The following DDX47 variants were observed in gnomAD, a reference collection of about 807,000 sequenced individuals.
DDX47 encodes the protein probable ATP-dependent RNA helicase DDX47.
A neutral mutation model predicts 58.8 loss-of-function variants in DDX47; 60 were observed. The ratio of observed to expected loss-of-function variants is 1.02; its 90% CI spans 0.83 to 1.26. The LOEUF is 1.26. DDX47 is among the 50% of genes most tolerant of loss of function. The pLI, the probability that DDX47 is intolerant of heterozygous loss-of-function variation, is 0.00. For synonymous variants in DDX47, 197 were observed against 204.6 expected (o/e 0.96, Z 0.32); for missense variants, 530 against 573.2 (o/e 0.92, Z 0.77).
intron 2 of DDX47, among the ~76,000 whole-genome samples, chr12:12,817,884 A>G (rs993548582): frequency 3.3e-5 from 5 of 152,198 alleles, no homozygotes; most frequent in Admixed American, 2.0e-4. Flanking sequence ...TTATTGCTTC[A>G]TGAACTAAGC....
Position 12,827,264 on chromosome 12 carries a change from C to A in DDX47, c.1125C>A (p.Phe375Leu), listed in dbSNP as rs1863065475. The A allele has an allele frequency of 1.2e-6, 2 of 1,614,074 alleles. No individual in the cohort carries two copies. Among genetic ancestry groups the A allele is most frequent in the South Asian group, 1.1e-5 (1 of 91,034 alleles). Residue 375 changes from phenylalanine (F) to leucine (L), a missense_variant, in exon 11 of 12, where the codon TTC becomes TTA. Phe to Leu is a conservative substitution (Grantham distance 22). Coordinates refer to ENST00000358007, the MANE Select transcript of DDX47 (RefSeq NM_016355.4). ...TFVTQYDVELFQRIEHLIGKK... is the reference protein window; with the variant it reads ...TFVTQYDVELLQRIEHLIGKK... ...TCCTCAGGTATGATGTGGAACTCTT[C>A]CAGCGCATAGAACACTTAATTGGGA...
chr12:12,822,210 A>G (rs1862985398), intron 5 of DDX47, 127 bp downstream of exon 5: 1 of 639,456 alleles, frequency 1.6e-6, no homozygotes, highest in Non-Finnish European at 2.8e-6. Flanking sequence ...ATATTCTTCA[A>G]ATTGCAGTTT....
chr12:12,822,526 A>C, intron 5 of DDX47, 135 bp from the exon 6 acceptor site: 1 of 674,266 alleles, frequency 1.5e-6, no homozygotes, highest in Non-Finnish European at 2.6e-6. Flanking sequence ...AGCTGAATCA[A>C]ATTGAATTTT....
At chr12:12,816,208 G>T (rs1194418189) in intron 2 of DDX47, among the ~76,000 whole-genome samples, 4 of 152,182 alleles carry the variant, frequency 2.6e-5, no homozygotes, top group Admixed American at 6.5e-5. Context: ...TTGACCTTGT[G>T]GGAGGGGAAT....
At chr12:12,825,493 C>T (rs1863039025) in intron 9 of DDX47, among the ~76,000 whole-genome samples, 1 of 152,086 alleles carries the variant, frequency 6.6e-6, no homozygotes, top group South Asian at 2.1e-4. Context: ...CAGAATCACC[C>T]CTGGATGAGA....
chr12:12,819,306 G>A (rs1862937582), intron 2 of DDX47, among the ~76,000 whole-genome samples: 1 of 148,672 alleles, frequency 6.7e-6, no homozygotes, highest in Non-Finnish European at 1.5e-5. Flanking sequence ...CTTAAACCCT[G>A]TCTGCATCAG....
intron 11 of DDX47, among the ~76,000 whole-genome samples, chr12:12,827,916 GC>G (rs1190697798): frequency 1.1e-5 from 1 of 87,234 alleles, no homozygotes; most frequent in East Asian, 3.5e-4. Context: ...TGCTCTTGTT[GC>G]CCAGGCTGGA....
At position 12,824,539 on chromosome 12, in the gene DDX47, G is replaced by C. The variant is rs1863021797; in HGVS notation, c.898-1G>C. On this transcript the variant is annotated splice_acceptor_variant, in intron 8 of 11. Transcript: ENST00000358007. LOFTEE classifies it high-confidence loss of function. ...CCAACATTTCTTTTTCATTACCTCA[G>C]AGTAAGCGCCTAGGATCCCTTAATA... is the stretch of plus-strand genomic sequence containing the variant. 6.2e-7 allele frequency: 1 copy of C among 1,607,650 alleles called. No individual in the cohort carries two copies. The highest frequency in any genetic ancestry group is 8.5e-7 in the Non-Finnish European group (1 of 1,178,332).
chr12:12,823,570 A>C (rs867999937), intron 7 of DDX47: 2 of 549,390 alleles, frequency 3.6e-6, no homozygotes, highest in African/African-American at 3.8e-5. Flanking sequence ...CCTTGAGGTA[A>C]TTTTTCCTTT....
In DDX47 at chr12:12,827,295, C is replaced by T; in HGVS notation, c.1156C>T (p.Leu386=). The change falls in exon 11 of 12, where the codon CTA becomes TTA. Residue 386 remains leucine, a synonymous_variant. Transcript: ENST00000358007. The part of the protein sequence containing the change: ...QRIEHLIGKK[L]PGFPTQDDEV... ...CATAGAACACTTAATTGGGAAGAAA[C>T]TACCAGGTTTTCCAACACAGGATGA... 1 of 1,614,180 alleles carries T rather than the reference C, an allele frequency of 6.2e-7. No individual in the cohort carries two copies. The highest frequency in any genetic ancestry group is 1.7e-5 in the Admixed American group (1 of 60,024).
intron 2 of DDX47, 61 bp downstream of exon 2, chr12:12,814,285 G>T: frequency 9.6e-7 from 1 of 1,042,096 alleles, no homozygotes; most frequent in Non-Finnish European, 1.5e-6. Context: ...TACCCCTTTT[G>T]AAAGCTGTTG....
At chr12:12,817,936 C>G (rs1051968989) in intron 2 of DDX47, among the ~76,000 whole-genome samples, 5 of 152,160 alleles carry the variant, frequency 3.3e-5, no homozygotes, top group African/African-American at 1.2e-4. Context: ...CTTATGTACT[C>G]CTTTCTTCTG....
Position 12,829,837 on chromosome 12 carries a change from T to G in DDX47, c.*283T>G. ...ACACAGACCTTTTGCCTTTTTTAGC[T>G]GCAAGTCAAGGACTAGGTTGATGAT... On this transcript the variant is annotated 3_prime_UTR_variant, in exon 12 of 12. Transcript: ENST00000358007. 4.1e-6 allele frequency: 1 copy of G among 244,104 alleles called. No homozygotes were observed. The highest frequency in any genetic ancestry group is 5.5e-5 in the Admixed American group (1 of 18,240). The allele number at this position is 244,104 out of a possible 1,614,324, so 15.1% of individuals were successfully genotyped here. A position where few individuals can be genotyped will look rare whatever the true frequency, so the allele number is the denominator to read the frequency against.
chr12:12,825,987 CT>C lies in DDX47; in HGVS notation c.1036-8del. On this transcript the variant is annotated splice_polypyrimidine_tract_variant and intron_variant, in intron 9 of 11. Coordinates refer to ENST00000358007, the MANE Select transcript of DDX47 (RefSeq NM_016355.4). ...TCCATATAACTTGAATTTATTTACC[CT>C]TTTTGTTTTAGGATTACATCCATCG... 6.2e-7 allele frequency: 1 copy of C among 1,600,904 alleles called. No homozygotes were observed.
intron 7 of DDX47, chr12:12,823,654 T>C (rs1447271009): frequency 1.7e-6 from 1 of 577,574 alleles, no homozygotes; most frequent in Non-Finnish European, 3.0e-6. Flanking sequence ...CTTCTCCTGT[T>C]TGCTGAGTAC....
At chr12:12,827,447 C>A (rs1472379508) in intron 11 of DDX47, 72 bp downstream of exon 11, 5 of 1,518,244 alleles carry the variant, frequency 3.3e-6, no homozygotes, top group Non-Finnish European at 3.6e-6. Flanking sequence ...TTATATTAAC[C>A]CTCATACTAA....
At position 12,824,193 on chromosome 12, in the gene DDX47, A is replaced by G. The variant is rs528856887; in HGVS notation, c.897+177A>G. ...CTTACTTTCTCCTTTCAGGGTAGCG[A>G]GAGGCTCCCATTAGAATATTTCATA... On this transcript the variant is annotated intron_variant, in intron 8 of 11. Coordinates refer to ENST00000358007, the MANE Select transcript of DDX47 (RefSeq NM_016355.4). 1,941 of 764,410 alleles carry G rather than the reference A, an allele frequency of 2.5e-3. 7 individuals are homozygous for G. The highest frequency in any genetic ancestry group is 3.3e-3 in the Non-Finnish European group (1,671 of 499,180). The allele number at this position is 764,410 out of a possible 1,614,324, so 47.4% of individuals were successfully genotyped here. A position where few individuals can be genotyped will look rare whatever the true frequency, so the allele number is the denominator to read the frequency against.
At chr12:12,817,493 G>A (rs1280500214) in intron 2 of DDX47, among the ~76,000 whole-genome samples, 4 of 152,134 alleles carry the variant, frequency 2.6e-5, no homozygotes, top group Non-Finnish European at 5.9e-5. Context: ...TGGGAGGATT[G>A]CTTGAGACCA....
Position 12,829,792 on chromosome 12 carries a change from G to T in DDX47, c.*238G>T, listed in dbSNP as rs568228147. 1.6e-5 allele frequency: 6 copies of T among 382,154 alleles called. No homozygotes were observed. In the South Asian group the frequency reaches 2.8e-4, roughly 18 times the overall value. The allele number at this position is 382,154 out of a possible 1,614,324, so 23.7% of individuals were successfully genotyped here. ...ATTCCTTGCTCATGACATGAGTAGG[G>T]TGTGCTCTTCTGTCACTTCACACAG... On this transcript the variant is annotated 3_prime_UTR_variant, in exon 12 of 12. Transcript: ENST00000358007.
Sources: gnomAD v4.1 joint callset for allele counts (sites outside exome capture counted in the v4.1 genomes callset) on GRCh38, gnomAD v4.1.1 for gene constraint, MANE v1.5 for transcripts, NCBI Gene and HGNC (gene_info 2026-07-23, HGNC 2026-07-21) for gene names.